The following RBMS2 variants were observed in gnomAD, a reference collection of about 807,000 sequenced individuals.
The protein encoded by RBMS2 is RNA binding motif single stranded interacting protein 2.
In RBMS2, 38 loss-of-function variants were observed where a neutral mutation model predicts 58.4. The observed-to-expected ratio is 0.65, with a 90% CI of 0.50 to 0.85. RBMS2 has a LOEUF of 0.85. Among genes scored for constraint, RBMS2 ranks in the 40% least tolerant of loss-of-function variants. The pLI is 0.00. For synonymous variants in RBMS2, 151 were observed against 180.7 expected, an observed-to-expected ratio of 0.84 and a Z score of 1.32; for missense variants, 367 against 503.7, an observed-to-expected ratio of 0.73 and a Z score of 2.60.
At chr12:56,551,961 G>A (rs1433112545) in intron 1 of RBMS2, among the ~76,000 whole-genome samples, 1 of 152,130 alleles carries the variant, frequency 6.6e-6, no homozygotes, top group Non-Finnish European at 1.5e-5. Context: ...GGTGGCATGC[G>A]CCTGTAGTCC....
intron 1 of RBMS2, among the ~76,000 whole-genome samples, chr12:56,547,494 C>T (rs1399181743): frequency 6.6e-6 from 1 of 152,098 alleles, no homozygotes; most frequent in Non-Finnish European, 1.5e-5. Context: ...CATAATGAGT[C>T]TCTGTCTCTA....
intron 1 of RBMS2, among the ~76,000 whole-genome samples, chr12:56,526,422 G>A (rs1049792623): frequency 6.6e-6 from 1 of 152,182 alleles, no homozygotes; most frequent in South Asian, 2.1e-4. Context: ...GCCCATGACA[G>A]TCATAGTTTT....
intron 1 of RBMS2, among the ~76,000 whole-genome samples, chr12:56,525,782 C>T (rs1180430632): frequency 1.3e-5 from 2 of 151,942 alleles, no homozygotes; most frequent in African/African-American, 4.8e-5. Context: ...CTGCCTCAGC[C>T]TCCTGAGTAG....
upstream of RBMS2, among the ~76,000 whole-genome samples, chr12:56,521,464 A>G (rs1871709607): frequency 7.2e-6 from 1 of 139,216 alleles, no homozygotes; most frequent in Non-Finnish European, 1.5e-5. Context: ...AGTGTAAAGT[A>G]GGGGAAGCCC....
At chr12:56,581,939 A>G (rs1291576351) in intron 8 of RBMS2, 60 bp downstream of exon 8, 21 of 1,592,260 alleles carry the variant, frequency 1.3e-5, no homozygotes, top group Non-Finnish European at 1.8e-5. Context: ...CAGACACTCA[A>G]ATGATTCATC....
intron 1 of RBMS2, among the ~76,000 whole-genome samples, chr12:56,543,720 G>C (rs1307984566): frequency 6.6e-6 from 1 of 151,296 alleles, no homozygotes; most frequent in East Asian, 2.0e-4. Flanking sequence ...GGAGTGCGGT[G>C]GTGCAATCTT....
Position 56,552,922 on chromosome 12 carries a change from CTTTTTTT to C in RBMS2, c.67-9477_67-9471del, listed in dbSNP as rs57408592. ...AGTTATTCTTTTAAAATTAAGAGTC[CTTTTTTT>C]TTTTTTTTTTTTTTTTTGAGACAGA... On this transcript the variant is annotated intron_variant, in intron 1 of 13. Transcript: ENST00000262031. 5.2e-3 allele frequency among the ~76,000 whole-genome samples: 323 copies of C among 62,034 alleles called. 3 individuals carry two copies. The highest frequency in any genetic ancestry group is 0.019 in the African/African-American group (315 of 16,956). 40.7% of individuals were successfully genotyped at this position (62,034 alleles called of 152,430 possible).
intron 1 of RBMS2, among the ~76,000 whole-genome samples, chr12:56,523,849 AT>A (rs1194606763): frequency 3.3e-5 from 5 of 152,232 alleles, no homozygotes; most frequent in Non-Finnish European, 7.3e-5. Context: ...TATCAAATAT[AT>A]GTATAGATAA....
At chr12:56,539,012 ATTCTTT>A (rs762809280) in intron 1 of RBMS2, among the ~76,000 whole-genome samples, 12 of 103,182 alleles carry the variant, frequency 1.2e-4, no homozygotes, top group African/African-American at 2.9e-4. Flanking sequence ...AAATTCAGAA[ATTCTTT>A]TTTTTTTTTT....
rs1473815394 is a variant in RBMS2 at position 56,591,242 on chromosome 12, G to C, written c.*2109G>C. On this transcript the variant is annotated 3_prime_UTR_variant, in exon 14 of 14. Coordinates refer to ENST00000262031, the MANE Select transcript of RBMS2 (RefSeq NM_002898.4). ...TTAGGCTGGCCATAGGGAGAGGAAG[G>C]GGGTGACAGCAGGGGAAAAGAAACT... 1 of 152,120 alleles carries C rather than the reference G, an allele frequency of 6.6e-6. No homozygotes were observed. Among genetic ancestry groups the C allele is most frequent in the Non-Finnish European group, 1.5e-5 (1 of 68,042 alleles). The allele number at this position is 152,120 out of a possible 1,614,324, so 9.4% of individuals were successfully genotyped here.
intron 1 of RBMS2, among the ~76,000 whole-genome samples, chr12:56,562,100 G>A (rs1208048194): frequency 2.0e-5 from 3 of 152,098 alleles, no homozygotes; most frequent in Non-Finnish European, 4.4e-5. Context: ...GAGCCACCAC[G>A]CCCAGCCTAC....
chr12:56,573,234 T>C, intron 5 of RBMS2: 1 of 938,960 alleles, frequency 1.1e-6, no homozygotes, highest in Non-Finnish European at 1.3e-6. Flanking sequence ...CCCAGCACTT[T>C]GGGAGGCTGA....
At chr12:56,547,168 T>C (rs1877398269) in intron 1 of RBMS2, among the ~76,000 whole-genome samples, 2 of 150,976 alleles carry the variant, frequency 1.3e-5, no homozygotes, top group Admixed American at 6.6e-5. Flanking sequence ...CTGGCCAACA[T>C]GGTGAAACCC....
intron 1 of RBMS2, among the ~76,000 whole-genome samples, chr12:56,535,007 C>T (rs538360632): frequency 2.6e-5 from 4 of 152,140 alleles, no homozygotes; most frequent in African/African-American, 9.7e-5. Flanking sequence ...ATTGATCACT[C>T]TATTCCTTGA....
At chr12:56,568,798 G>A (rs1189982462) in intron 2 of RBMS2, among the ~76,000 whole-genome samples, 177 bp from the exon 3 acceptor site, 2 of 152,048 alleles carry the variant, frequency 1.3e-5, no homozygotes, top group African/African-American at 2.4e-5. Context: ...CCAAAATTCT[G>A]GGATTACAGG....
At chr12:56,525,515 T>G (rs1328434173) in intron 1 of RBMS2, among the ~76,000 whole-genome samples, 2 of 151,022 alleles carry the variant, frequency 1.3e-5, no homozygotes, top group Non-Finnish European at 3.0e-5. Context: ...AGCCACTGTC[T>G]GGCCCATTTA....
rs755700399 is a variant in RBMS2, at chr12:56,569,028, G to C, written c.287G>C (p.Cys96Ser). The change falls in exon 3 of 14, where the codon TGT becomes TCT. Residue 96 changes from cysteine (C) to serine (S), a missense_variant. Physicochemically the swap from Cys to Ser is moderately radical, Grantham distance 112. Coordinates refer to ENST00000262031, the MANE Select transcript of RBMS2 (RefSeq NM_002898.4). ...KAILDKTTNK[C>S]KGYGFVDFDS... ...ATACTGGACAAGACCACAAACAAATGTAAAGGTGAGAGAACAACTGTCCTT... is the reference window on the plus strand; with the variant it reads ...ATACTGGACAAGACCACAAACAAATCTAAAGGTGAGAGAACAACTGTCCTT... The C allele has an allele frequency of 1.9e-6, 3 of 1,611,950 alleles. No individual in the cohort carries two copies. Among genetic ancestry groups the C allele is most frequent in the Non-Finnish European group, 2.5e-6 (3 of 1,178,110 alleles).
intron 1 of RBMS2, among the ~76,000 whole-genome samples, chr12:56,523,125 AC>A (rs1222528282): frequency 6.6e-6 from 1 of 152,184 alleles, no homozygotes; most frequent in Non-Finnish European, 1.5e-5. Context: ...GACCCAAAAC[AC>A]TTAATGTTGA....
At chr12:56,583,506 T>C (rs1408648697) in intron 9 of RBMS2, among the ~76,000 whole-genome samples, 1 of 152,086 alleles carries the variant, frequency 6.6e-6, no homozygotes, top group Non-Finnish European at 1.5e-5. Context: ...ACACAGAAAT[T>C]AGCTGGGCAT....
Sources: allele counts gnomAD v4.1 joint callset (sites outside exome capture counted in the v4.1 genomes callset), GRCh38; gene constraint gnomAD v4.1.1; transcripts MANE v1.5; gene names NCBI Gene and HGNC (gene_info 2026-07-23, HGNC 2026-07-21).